Variants in JAKMIP1 observed in about 807,000 individuals in gnomAD.
JAKMIP1 encodes janus kinase and microtubule-interacting protein 1.
Under a neutral mutation model 113.0 loss-of-function variants are expected in JAKMIP1, and 33 were observed. The observed-to-expected ratio is 0.29, with a 90% CI of 0.22 to 0.39. The LOEUF is 0.39. Among genes scored for constraint, JAKMIP1 ranks in the 10% least tolerant of loss-of-function variants. The pLI is 1.00. For missense variants in JAKMIP1, 813 were observed against 1,080.5 expected, an observed-to-expected ratio of 0.75 and a Z score of 3.47; for synonymous variants, 480 against 459.9, an observed-to-expected ratio of 1.04 and a Z score of -0.56.
At chr4:6,085,687 T>G (rs1165191438) in intron 3 of JAKMIP1, 58 bp from the exon 4 acceptor site, 29 of 1,527,324 alleles carry the variant, frequency 1.9e-5, no homozygotes, top group African/African-American at 2.7e-5. Context: ...AGGAAATCTC[T>G]CCCCAAATTG....
chr4:6,131,039 G>T (rs1718431369), intron 1 of JAKMIP1, among the ~76,000 whole-genome samples: 2 of 151,394 alleles, frequency 1.3e-5, no homozygotes, highest in South Asian at 2.1e-4. Context: ...TTATGTGTGG[G>T]GATATACACC....
chr4:6,191,133 G>A (rs1051614301), intron 1 of JAKMIP1, among the ~76,000 whole-genome samples: 1 of 152,222 alleles, frequency 6.6e-6, no homozygotes, highest in African/African-American at 2.4e-5. Context: ...GAGCCACTGA[G>A]TGGCCAAGAG....
At chr4:6,125,043 C>T (rs1560228906) in intron 1 of JAKMIP1, among the ~76,000 whole-genome samples, 1 of 152,174 alleles carries the variant, frequency 6.6e-6, no homozygotes, top group African/African-American at 2.4e-5. Flanking sequence ...CTGCCTCTTC[C>T]CCACCAGTGG....
chr4:6,062,452 G>A lies in JAKMIP1; in HGVS notation c.1432-12C>T, dbSNP rs924979642. 1 of 1,605,986 alleles carries A rather than the reference G, an allele frequency of 6.2e-7. No individual in the cohort carries two copies. The highest frequency in any genetic ancestry group is 1.3e-5 in the African/African-American group (1 of 74,720). ...TCTCGGGCTGTGGCCTTCACATAAT[G>A]GAGAAGAAAACAAATAATCAAGTGC... On this transcript the variant is annotated splice_polypyrimidine_tract_variant and intron_variant, in intron 9 of 20. Coordinates refer to ENST00000409021, the MANE Select transcript of JAKMIP1 (RefSeq NM_001099433.2).
chr4:6,082,466 T>A (rs6833386), intron 5 of JAKMIP1, among the ~76,000 whole-genome samples: 147,148 of 151,604 alleles, frequency 0.97, 71,515 homozygotes, highest in East Asian at 1. Context: ...TGTATCTTCT[T>A]CATGGCATTT....
chr4:6,186,407 C>T lies in JAKMIP1; in HGVS notation c.-148+13846G>A, dbSNP rs1369184820. On this transcript the variant is annotated intron_variant, in intron 1 of 20. Transcript: ENST00000409021. This position sits in a 1 kb window ranked among gnomAD's most constrained non-coding sequence, Gnocchi z 5.5. ...CAAGCAGGAGTGATGGAGGATGAGA[C>T]AGGAAGGGAAAAGTGGGGGCCTCTG... 1.3e-5 allele frequency among the ~76,000 whole-genome samples: 2 copies of T among 152,130 alleles called. No individual in the cohort carries two copies. Among genetic ancestry groups the T allele is most frequent in the African/African-American group, 4.8e-5 (2 of 41,424 alleles).
In JAKMIP1 at chr4:6,181,419, C is replaced by T. The variant is rs1726006763; in HGVS notation, c.-148+18834G>A. Among the ~76,000 whole-genome samples, 1 of 152,166 alleles carries T rather than the reference C, an allele frequency of 6.6e-6. No individual in the cohort carries two copies. The highest frequency in any genetic ancestry group is 2.4e-5 in the African/African-American group (1 of 41,430). On this transcript the variant is annotated intron_variant, in intron 1 of 20. Transcript: ENST00000409021. The surrounding 1 kb of genome is among the most constrained non-coding windows in gnomAD (Gnocchi z 5.4). ...CAGGTCACTATCAGGTTACCACCAG[C>T]TCAGTACAGAAGGAAGTCCTTCTCA...
chr4:6,169,218 C>T (rs1320701417), intron 1 of JAKMIP1, among the ~76,000 whole-genome samples: 1 of 152,176 alleles, frequency 6.6e-6, no homozygotes, highest in Non-Finnish European at 1.5e-5. Context: ...ATGTCCTTCC[C>T]ACAATCTCAG....
chr4:6,105,749 C>G lies in JAKMIP1; in HGVS notation c.348G>C (p.Thr116=). ...CCGCGCCGTCGCGCAGCACGTTCAG[C>G]GTGGCCTGCAGCCGCTGCAGCTCGC... ...KEGELQRLQA[T]LNVLRDGAAD... The change falls in exon 3 of 21, where the codon ACG becomes ACC. Residue 116 remains threonine (T), a synonymous_variant. Transcript: ENST00000409021. 1.2e-6 allele frequency: 2 copies of G among 1,602,748 alleles called. No homozygotes were observed. The highest frequency in any genetic ancestry group is 1.7e-6 in the Non-Finnish European group (2 of 1,178,102).
At position 6,105,887 on chromosome 4, in the gene JAKMIP1, C is replaced by T. The variant is rs372820301; in HGVS notation, c.210G>A (p.Ser70=). 2.5e-6 allele frequency: 4 copies of T among 1,611,982 alleles called. No homozygotes were observed. The highest frequency in any genetic ancestry group is 2.7e-5 in the African/African-American group (2 of 74,934). ...CCTCATGCAGCTTGGCCTTGAGCTC[C>T]GAAATGTAGGCCGTGTGCCGTCGCT... The part of the protein sequence containing the change: ...QEQRRHTAYI[S]ELKAKLHEEK... Residue 70 remains serine (S), a synonymous_variant, in exon 3 of 21, where the codon TCG becomes TCA. Transcript: ENST00000409021.
intron 16 of JAKMIP1, among the ~76,000 whole-genome samples, chr4:6,048,109 G>A (rs1322275613): frequency 6.6e-6 from 1 of 152,204 alleles, no homozygotes; most frequent in Non-Finnish European, 1.5e-5. Context: ...AGTATCACTA[G>A]CACTGAAATA....
At chr4:6,152,789 A>AATATACATATAT (rs1416007488) in intron 1 of JAKMIP1, among the ~76,000 whole-genome samples, 1 of 135,294 alleles carries the variant, frequency 7.4e-6, no homozygotes, top group African/African-American at 2.9e-5. Flanking sequence ...TAAAAATACA[A>AATATACATATAT]ATATATATAT....
At chr4:6,165,732 G>A (rs540329869) in intron 1 of JAKMIP1, among the ~76,000 whole-genome samples, 121 of 152,264 alleles carry the variant, frequency 7.9e-4, no homozygotes, top group Non-Finnish European at 1.4e-3. Flanking sequence ...CATGTGACTC[G>A]CTTTATTGCA....
intron 1 of JAKMIP1, among the ~76,000 whole-genome samples, chr4:6,195,075 G>A (rs180907639): frequency 2.6e-5 from 4 of 152,344 alleles, no homozygotes; most frequent in Admixed American, 1.3e-4. Flanking sequence ...ACCAGACTGG[G>A]GTGATCCCCA....
At chr4:6,058,246 C>T (rs1407290211) in intron 11 of JAKMIP1, among the ~76,000 whole-genome samples, 3 of 152,212 alleles carry the variant, frequency 2.0e-5, no homozygotes, top group African/African-American at 7.2e-5. Context: ...CAAAGTTTCC[C>T]TTCTTATGAA....
chr4:6,056,625 T>G (rs541365846), intron 12 of JAKMIP1, 72 bp downstream of exon 12: 39 of 1,165,402 alleles, frequency 3.3e-5, no homozygotes, highest in Non-Finnish European at 4.9e-5. Flanking sequence ...GCACGACCCG[T>G]GTAGTCTGAG....
At chr4:6,053,452 A>G (rs1173734159) in intron 13 of JAKMIP1, among the ~76,000 whole-genome samples, 2 of 152,228 alleles carry the variant, frequency 1.3e-5, no homozygotes, top group Non-Finnish European at 2.9e-5. Context: ...GAACAACGTA[A>G]CTAGTTTTCT....
Position 6,192,289 on chromosome 4 carries a change from T to C in JAKMIP1, c.-148+7964A>G, listed in dbSNP as rs962591036. 1.3e-5 allele frequency among the ~76,000 whole-genome samples: 2 copies of C among 152,150 alleles called. No individual in the cohort carries two copies. The highest frequency in any genetic ancestry group is 2.9e-5 in the Non-Finnish European group (2 of 68,028). ...GTCCACAGGAGCCGCATTGCAGTGC[T>C]CAATAGCCCCTACCGGCGAGTGGCT... On this transcript the variant is annotated intron_variant, in intron 1 of 20. Transcript: ENST00000409021. This position sits in a 1 kb window ranked among gnomAD's most constrained non-coding sequence, Gnocchi z 5.0.
At position 6,199,898 on chromosome 4, in the gene JAKMIP1, G is replaced by A. The variant is rs1728262336; in HGVS notation, c.-148+355C>T. 6.6e-6 allele frequency among the ~76,000 whole-genome samples: 1 copy of A among 151,474 alleles called. No homozygotes were observed. Among genetic ancestry groups the A allele is most frequent in the South Asian group, 2.1e-4 (1 of 4,806 alleles). On this transcript the variant is annotated intron_variant, in intron 1 of 20. Coordinates refer to ENST00000409021, the MANE Select transcript of JAKMIP1 (RefSeq NM_001099433.2). The surrounding 1 kb of genome is among the most constrained non-coding windows in gnomAD (Gnocchi z 5.6). ...TCCCCCTCCCGCTCCTTGGCTTGAG[G>A]GCGGAATCCGGAGAAGAGTGGAAAT...
Sources: gnomAD v4.1 joint callset for allele counts (sites outside exome capture counted in the v4.1 genomes callset) on GRCh38, gnomAD v4.1.1 for gene constraint, Gnocchi (gnomAD v3.1) non-coding constraint, MANE v1.5 for transcripts, NCBI Gene and HGNC (gene_info 2026-07-23, HGNC 2026-07-21) for gene names.